Variants in C1orf21 observed in about 807,000 individuals in gnomAD.
C1orf21 encodes the protein uncharacterized protein C1orf21.
A neutral mutation model predicts 18.7 loss-of-function variants in C1orf21; 3 were observed. The ratio of observed to expected loss-of-function variants is 0.16; its 90% CI spans 0.07 to 0.42. C1orf21 has a LOEUF of 0.42. Among genes scored for constraint, C1orf21 ranks in the 10% least tolerant of loss-of-function variants. The probability of loss-of-function intolerance (pLI) is 0.99; values close to 1 mark genes in which losing one functional copy is unlikely to be tolerated. For missense variants in C1orf21, 104 were observed against 143.6 expected, an observed-to-expected ratio of 0.72 and a Z score of 1.41; for synonymous variants, 41 against 46.4, an observed-to-expected ratio of 0.88 and a Z score of 0.47.
At position 184,564,407 on chromosome 1, in the gene C1orf21, C is replaced by G. The variant is rs140136884; in HGVS notation, c.190-26332C>G. ...CACTGCAACCTGCGCCTCCCAGGTT[C>G]AAGTGATCTCCTGCCTCAGCCTCCC... On this transcript the variant is annotated intron_variant, in intron 3 of 5. Transcript: ENST00000235307. Among the ~76,000 whole-genome samples the G allele has an allele frequency of 7.5e-3, 1,141 of 152,252 alleles. 7 individuals are homozygous for G. Among genetic ancestry groups the G allele is most frequent in the Middle Eastern group, 0.02 (6 of 294 alleles).
At chr1:184,597,498 G>A (rs1365700299) in intron 4 of C1orf21, among the ~76,000 whole-genome samples, 1 of 152,058 alleles carries the variant, frequency 6.6e-6, no homozygotes, top group African/African-American at 2.4e-5. Flanking sequence ...CCATTCCAGA[G>A]CCCACCCCCA....
intron 2 of C1orf21, among the ~76,000 whole-genome samples, chr1:184,492,689 G>A (rs1308045150): frequency 6.6e-6 from 1 of 152,184 alleles, no homozygotes; most frequent in Non-Finnish European, 1.5e-5. Flanking sequence ...TTGGCTGGCT[G>A]GTTTGTAAAT....
chr1:184,521,088 T>G (rs1400011616), intron 3 of C1orf21, among the ~76,000 whole-genome samples: 10 of 152,136 alleles, frequency 6.6e-5, no homozygotes, highest in Non-Finnish European at 1.3e-4. Context: ...AGACAGTGTT[T>G]CTCCATATTG....
intron 1 of C1orf21, among the ~76,000 whole-genome samples, chr1:184,421,464 T>G (rs1656546453): frequency 6.6e-6 from 1 of 152,228 alleles, no homozygotes; most frequent in Admixed American, 6.5e-5. Context: ...AAAATTCCTT[T>G]AGGCTTTAAA....
intron 3 of C1orf21, among the ~76,000 whole-genome samples, chr1:184,523,740 T>C (rs1187778498): frequency 6.6e-6 from 1 of 152,146 alleles, no homozygotes; most frequent in Non-Finnish European, 1.5e-5. Context: ...TAATTTAAGG[T>C]ATAAAATTTG....
chr1:184,529,835 G>A (rs945900871), intron 3 of C1orf21, among the ~76,000 whole-genome samples: 1 of 152,214 alleles, frequency 6.6e-6, no homozygotes, highest in Non-Finnish European at 1.5e-5. Context: ...CATTTGGAAT[G>A]TGAATATCTT....
chr1:184,522,453 A>G (rs1035026610), intron 3 of C1orf21, among the ~76,000 whole-genome samples: 6 of 152,028 alleles, frequency 3.9e-5, no homozygotes, highest in Non-Finnish European at 8.8e-5. Flanking sequence ...GAAATGTCTG[A>G]GTCTAGGGCT....
At chr1:184,518,722 T>G (rs2101968228) in intron 3 of C1orf21, among the ~76,000 whole-genome samples, 2 of 152,218 alleles carry the variant, frequency 1.3e-5, no homozygotes, top group South Asian at 4.1e-4. Context: ...TCTATTTCAG[T>G]GTACTCTCAC....
rs1479380714 is a variant in C1orf21, at chr1:184,410,645, ATATATATATATATATATATTT to A, written c.-125+23279_-125+23299del. On this transcript the variant is annotated intron_variant, in intron 1 of 5. Coordinates refer to ENST00000235307, the MANE Select transcript of C1orf21 (RefSeq NM_030806.4). ...TATATATATATATATATATATATAT[ATATATATATATATATATATTT>A]TTTTTTTTTTTTTTTGAGATGGAGT... Among the ~76,000 whole-genome samples the A allele has an allele frequency of 0.012, 58 of 4,974 alleles. 23 individuals carry two copies. The African/African-American group carries it at 0.15, about 13-fold the overall frequency. 3.3% of individuals were successfully genotyped at this position (4,974 alleles called of 152,430 possible). A position where few individuals can be genotyped will look rare whatever the true frequency, so the allele number is the denominator to read the frequency against.
chr1:184,500,589 C>T (rs1657960726), intron 2 of C1orf21, among the ~76,000 whole-genome samples: 1 of 152,100 alleles, frequency 6.6e-6, no homozygotes, highest in South Asian at 2.1e-4. Context: ...TTCAGTTCAC[C>T]CAGAGAGGTC....
intron 1 of C1orf21, among the ~76,000 whole-genome samples, chr1:184,460,104 T>G (rs1465475316): frequency 6.6e-6 from 1 of 152,096 alleles, no homozygotes; most frequent in Non-Finnish European, 1.5e-5. Flanking sequence ...AACACACACT[T>G]CCTTGGTGGC....
intron 3 of C1orf21, among the ~76,000 whole-genome samples, chr1:184,539,547 A>C (rs538770822): frequency 4.5e-4 from 69 of 152,230 alleles, no homozygotes; most frequent in Non-Finnish European, 9.3e-4. Context: ...GTTATTTAGA[A>C]AAGTTTGAGA....
intron 2 of C1orf21, among the ~76,000 whole-genome samples, chr1:184,492,525 A>G (rs1657831198): frequency 6.6e-6 from 1 of 152,218 alleles, no homozygotes; most frequent in Non-Finnish European, 1.5e-5. Context: ...TATGGTCCAG[A>G]GTTGACCAAA....
intron 1 of C1orf21, among the ~76,000 whole-genome samples, chr1:184,441,774 A>G (rs10911597): frequency 0.08 from 12,256 of 152,254 alleles, 784 homozygotes; most frequent in African/African-American, 0.17. Context: ...TTATAAACCT[A>G]AGATAATCTT....
chr1:184,397,516 G>A (rs951732604), intron 1 of C1orf21, among the ~76,000 whole-genome samples: 1 of 151,980 alleles, frequency 6.6e-6, no homozygotes, highest in Non-Finnish European at 1.5e-5. Context: ...AACCCAGGAG[G>A]CAGAGCTTGC....
At chr1:184,441,600 A>C (rs921909349) in intron 1 of C1orf21, among the ~76,000 whole-genome samples, 1 of 152,226 alleles carries the variant, frequency 6.6e-6, no homozygotes, top group African/African-American at 2.4e-5. Context: ...ACTTCATTTA[A>C]GTCTCGTACC....
chr1:184,533,519 T>C (rs777129667), intron 3 of C1orf21, among the ~76,000 whole-genome samples: 2 of 152,214 alleles, frequency 1.3e-5, no homozygotes, highest in African/African-American at 2.4e-5. Context: ...ATCCAAGACT[T>C]AGGCAGGTTG....
chr1:184,422,834 A>G (rs1656566891), intron 1 of C1orf21, among the ~76,000 whole-genome samples: 1 of 152,210 alleles, frequency 6.6e-6, no homozygotes, highest in Non-Finnish European at 1.5e-5. Context: ...AGGTCACTCT[A>G]CGTACAGAAC....
chr1:184,406,620 AG>A (rs1656252865), intron 1 of C1orf21, among the ~76,000 whole-genome samples: 1 of 152,164 alleles, frequency 6.6e-6, no homozygotes, highest in Non-Finnish European at 1.5e-5. Flanking sequence ...GCTCCTTTAA[AG>A]GGCTATTCAG....
Sources: allele counts gnomAD v4.1 joint callset (sites outside exome capture counted in the v4.1 genomes callset), GRCh38; gene constraint gnomAD v4.1.1; transcripts MANE v1.5; gene names NCBI Gene and HGNC (gene_info 2026-07-23, HGNC 2026-07-21).